Variants in CLASP1 observed in about 807,000 individuals in gnomAD.
The protein encoded by CLASP1 is cytoplasmic linker associated protein 1.
In CLASP1, 38 loss-of-function variants were observed where a neutral mutation model predicts 192.3. The ratio of observed to expected loss-of-function variants is 0.20; its 90% CI spans 0.15 to 0.26. The LOEUF is 0.26. CLASP1 is among the 10% of genes least tolerant of loss of function. The pLI is 1.00. For synonymous variants in CLASP1, 691 were observed against 712.8 expected (o/e 0.97, Z 0.49); for missense variants, 1,433 against 1,932.5 (o/e 0.74, Z 4.85).
intron 8 of CLASP1, among the ~76,000 whole-genome samples, chr2:121,484,993 A>G (rs938681489): frequency 6.6e-6 from 1 of 152,254 alleles, no homozygotes; most frequent in African/African-American, 2.4e-5. Context: ...TGTAAAGACA[A>G]ATCTGTGATA....
At position 121,367,789 on chromosome 2, in the gene CLASP1, G is replaced by C. The variant is rs773383542; in HGVS notation, c.3685C>G (p.Arg1229Gly). 5.0e-6 allele frequency: 8 copies of C among 1,613,610 alleles called. No homozygotes were observed. The African/African-American group carries it at 8.0e-5, about 16-fold the overall frequency. ...CCTCCTTCTACTTCACTACCCCCCC[G>C]GCCCTCAGTGGCAGGGGAGGCAGCG... is the stretch of plus-strand genomic sequence containing the variant. The change falls in exon 35 of 40, where the codon CGG (arginine) becomes GGG (glycine). Residue 1229 changes from arginine (R) to glycine (G), a missense_variant. Around this residue, in one of 8 missense-constraint regions of CLASP1, gnomAD observed 336 missense variants for 358.0 expected, o/e 0.94. Transcript: ENST00000263710.
At chr2:121,528,573 A>T in intron 4 of CLASP1, 104 bp downstream of exon 4, 1 of 839,226 alleles carries the variant, frequency 1.2e-6, no homozygotes, top group Non-Finnish European at 2.1e-6. Context: ...ACATCAGCTT[A>T]AGTCTATGGA....
At chr2:121,460,185 A>G (rs1044754354) in intron 11 of CLASP1, 60 bp from the exon 12 acceptor site, 26 of 1,331,210 alleles carry the variant, frequency 2.0e-5, no homozygotes, top group Non-Finnish European at 2.7e-5. Context: ...ACTATACACA[A>G]CAAAAGAAGT....
intron 32 of CLASP1, among the ~76,000 whole-genome samples, chr2:121,382,625 T>C (rs1360223320): frequency 6.6e-6 from 1 of 152,122 alleles, no homozygotes; most frequent in Non-Finnish European, 1.5e-5. Flanking sequence ...TATATGTCAG[T>C]ATGAGGGGCT....
At chr2:121,541,701 C>A (rs766989193) in intron 2 of CLASP1, among the ~76,000 whole-genome samples, 1 of 152,186 alleles carries the variant, frequency 6.6e-6, no homozygotes. Flanking sequence ...GTAAGCACAT[C>A]TTTGGGGCTG....
chr2:121,537,094 T>C (rs1182870555), intron 2 of CLASP1, among the ~76,000 whole-genome samples: 3 of 152,144 alleles, frequency 2.0e-5, no homozygotes, highest in African/African-American at 7.2e-5. Flanking sequence ...ATTATACACC[T>C]TTAAAAAGAA....
chr2:121,478,557 C>T (rs1247852754), intron 8 of CLASP1, among the ~76,000 whole-genome samples: 3 of 150,000 alleles, frequency 2.0e-5, no homozygotes, highest in Admixed American at 6.7e-5. Context: ...GCTGAGATTG[C>T]GCCACTGCAC....
chr2:121,599,198 A>G (rs766610427), intron 2 of CLASP1, among the ~76,000 whole-genome samples: 1 of 151,392 alleles, frequency 6.6e-6, no homozygotes, highest in African/African-American at 2.4e-5. Context: ...GCTGACATTC[A>G]TCTACCTTCC....
chr2:121,529,838 G>C (rs1377998428), intron 3 of CLASP1, among the ~76,000 whole-genome samples: 1 of 152,228 alleles, frequency 6.6e-6, no homozygotes, highest in East Asian at 1.9e-4. Context: ...AAGGGGACCG[G>C]GGTCAGGGTA....
At chr2:121,342,467 T>G (rs181191447) in intron 39 of CLASP1, among the ~76,000 whole-genome samples, 21 of 152,156 alleles carry the variant, frequency 1.4e-4, no homozygotes, top group African/African-American at 4.3e-4. Context: ...TTTTTGGGGA[T>G]GCAGCAAAAA....
intron 2 of CLASP1, among the ~76,000 whole-genome samples, chr2:121,601,732 C>T (rs1001183056): frequency 3.9e-5 from 6 of 152,134 alleles, no homozygotes; most frequent in Non-Finnish European, 8.8e-5. Flanking sequence ...TTGCAGATGA[C>T]ATGATCTTAT....
intron 34 of CLASP1, among the ~76,000 whole-genome samples, chr2:121,374,750 T>C (rs996560368): frequency 3.9e-5 from 6 of 152,240 alleles, no homozygotes; most frequent in African/African-American, 1.4e-4. Flanking sequence ...CAGACTTGCA[T>C]GGGGCCTGTA....
At position 121,466,240 on chromosome 2, in the gene CLASP1, C is replaced by T. The variant is rs555928283; in HGVS notation, c.865+3568G>A. ...TAATTTTATGTTATGAGAATTTAAA[C>T]TCAGTAACAAAAAGTAAAATGTTTT... On this transcript the variant is annotated intron_variant, in intron 9 of 39. Transcript: ENST00000263710. 4.6e-5 allele frequency among the ~76,000 whole-genome samples: 7 copies of T among 152,192 alleles called. No homozygotes were observed. The South Asian group carries it at 1.2e-3, about 27-fold the overall frequency.
At chr2:121,579,980 T>C (rs2060950485) in intron 2 of CLASP1, among the ~76,000 whole-genome samples, 1 of 152,206 alleles carries the variant, frequency 6.6e-6, no homozygotes, top group South Asian at 2.1e-4. Flanking sequence ...GTATTAAATG[T>C]AGTAAGAGAT....
At chr2:121,386,939 G>T (rs79330004) in intron 32 of CLASP1, among the ~76,000 whole-genome samples, 183 bp downstream of exon 33, 2,045 of 152,322 alleles carry the variant, frequency 0.013, 42 homozygotes, top group African/African-American at 0.046. Context: ...TCTTACCACA[G>T]AAGTTAACCC....
intron 1 of CLASP1, among the ~76,000 whole-genome samples, chr2:121,610,389 G>A (rs1198413182): frequency 2.0e-5 from 3 of 150,100 alleles, no homozygotes; most frequent in Non-Finnish European, 4.4e-5. Flanking sequence ...AGGAACTGGA[G>A]GAGGAGGAGG....
chr2:121,598,782 T>C (rs893317500), intron 2 of CLASP1, among the ~76,000 whole-genome samples: 2 of 152,228 alleles, frequency 1.3e-5, no homozygotes, highest in Non-Finnish European at 2.9e-5. Context: ...AAATTGCCCT[T>C]GATACCACAT....
intron 34 of CLASP1, among the ~76,000 whole-genome samples, chr2:121,369,600 A>T (rs2149275195): frequency 6.6e-6 from 1 of 152,362 alleles, no homozygotes; most frequent in African/African-American, 2.4e-5. Flanking sequence ...TTACTCCCTC[A>T]GTGTGTGTCT....
At chr2:121,636,511 C>A (rs1422930916) in intron 1 of CLASP1, among the ~76,000 whole-genome samples, 1 of 150,432 alleles carries the variant, frequency 6.6e-6, no homozygotes, top group African/African-American at 2.4e-5. Context: ...TAAAAAAATA[C>A]AAAATTAGCA....
Sources: allele counts gnomAD v4.1 joint callset (sites outside exome capture counted in the v4.1 genomes callset), GRCh38; gene constraint gnomAD v4.1.1; regional missense constraint gnomAD v4.1.1; transcripts MANE v1.5; gene names NCBI Gene and HGNC (gene_info 2026-07-23, HGNC 2026-07-21).